Variants in TENM2 observed in about 807,000 individuals in gnomAD.
The protein encoded by TENM2 is teneurin-2.
Under a neutral mutation model 245.2 loss-of-function variants are expected in TENM2, and 52 were observed. The observed-to-expected ratio is 0.21, with a 90% CI of 0.17 to 0.27. The LOEUF (loss-of-function observed/expected upper bound fraction) is 0.27. Among genes scored for constraint, TENM2 ranks in the 10% least tolerant of loss-of-function variants. The probability of loss-of-function intolerance (pLI) is 1.00; values close to 1 mark genes in which losing one functional copy is unlikely to be tolerated. For synonymous variants in TENM2, 1,363 were observed against 1,438.9 expected, an observed-to-expected ratio of 0.95 and a Z score of 1.19; for missense variants, 3,046 against 3,666.8, an observed-to-expected ratio of 0.83 and a Z score of 4.37.
intron 2 of TENM2, among the ~76,000 whole-genome samples, chr5:167,796,403 T>C (rs1463375677): frequency 6.6e-6 from 1 of 152,178 alleles, no homozygotes; most frequent in Non-Finnish European, 1.5e-5. Context: ...GCTCTCTGTT[T>C]CTGCAAATCG....
At chr5:168,053,945 GA>G in intron 6 of TENM2, among the ~76,000 whole-genome samples, 1 of 152,154 alleles carries the variant, frequency 6.6e-6, no homozygotes. Context: ...TGAAAAACAG[GA>G]AAAATTGTAA....
At chr5:167,188,294 T>C in the TENM2 span, among the ~76,000 whole-genome samples, 1 of 152,196 alleles carries the variant, frequency 6.6e-6, no homozygotes, top group Non-Finnish European at 1.5e-5. Flanking sequence ...GCTAGGCCAA[T>C]GCCGTTCTTC....
At chr5:167,734,271 A>C (rs1458235145) in intron 2 of TENM2, among the ~76,000 whole-genome samples, 1 of 151,962 alleles carries the variant, frequency 6.6e-6, no homozygotes, top group Admixed American at 6.6e-5. Context: ...CTCATCTTTG[A>C]GATTTGGTAA....
the TENM2 span, among the ~76,000 whole-genome samples, chr5:167,230,422 A>T: frequency 1.3e-5 from 2 of 152,240 alleles, no homozygotes; most frequent in Admixed American, 6.5e-5. Context: ...GTTGGATTCC[A>T]GTGTTCTCTC....
At position 168,218,813 on chromosome 5, in the gene TENM2, A is replaced by C. The variant is rs1763426524; in HGVS notation, c.4922A>C (p.Asp1641Ala). The C allele has an allele frequency of 1.2e-6, 2 of 1,613,990 alleles. No individual in the cohort carries two copies. Among genetic ancestry groups the C allele is most frequent in the Non-Finnish European group, 1.7e-6 (2 of 1,179,894 alleles). Residue 1641 changes from aspartate to alanine, a missense_variant, in exon 23 of 29, where the codon GAC (aspartate) becomes GCC (alanine). Physicochemically the swap from Asp to Ala is moderately radical, Grantham distance 126. This residue lies in a region of TENM2 where 2,704 missense variants were observed against 3,331.9 expected (regional missense o/e 0.81). Transcript: ENST00000518659. The surrounding 1 kb of genome is among the most constrained non-coding windows in gnomAD (Gnocchi z 5.2). ...GGGAATTCCCTGAAGATCCGTCGGGACAGCAGTGGCATGCCCCGTCACCTG... is the reference window on the plus strand; with the variant it reads ...GGGAATTCCCTGAAGATCCGTCGGGCCAGCAGTGGCATGCCCCGTCACCTG...
chr5:167,414,007 C>G (rs1438475546), intron 2 of TENM2, among the ~76,000 whole-genome samples: 1 of 152,098 alleles, frequency 6.6e-6, no homozygotes, highest in Non-Finnish European at 1.5e-5. Flanking sequence ...CACAGAGATG[C>G]CTTGTATTTA....
At chr5:167,666,865 T>C (rs1755611485) in intron 2 of TENM2, among the ~76,000 whole-genome samples, 1 of 152,296 alleles carries the variant, frequency 6.6e-6, no homozygotes, top group South Asian at 2.1e-4. Context: ...TGGGGGAGAA[T>C]AAATTTCCTA....
chr5:168,010,742 A>G (rs1423928899), intron 5 of TENM2, among the ~76,000 whole-genome samples: 1 of 152,252 alleles, frequency 6.6e-6, no homozygotes, highest in African/African-American at 2.4e-5. Flanking sequence ...AAACACTCCT[A>G]TTCTGCAGCT....
intron 27 of TENM2, among the ~76,000 whole-genome samples, chr5:168,255,399 T>C (rs895375677): frequency 1.3e-5 from 2 of 152,032 alleles, no homozygotes; most frequent in Middle Eastern, 3.2e-3. Flanking sequence ...CCTCCTGGTT[T>C]CAAGCAATTC....
chr5:167,628,984 A>C (rs1778693050), intron 2 of TENM2, among the ~76,000 whole-genome samples: 1 of 152,188 alleles, frequency 6.6e-6, no homozygotes, highest in Admixed American at 6.5e-5. Context: ...GCCTTACATA[A>C]ATTAATGATA....
chr5:167,557,007 GTT>G (rs1310486033), intron 2 of TENM2, among the ~76,000 whole-genome samples: 1 of 152,142 alleles, frequency 6.6e-6, no homozygotes, highest in Non-Finnish European at 1.5e-5. Context: ...AAAATGTTAA[GTT>G]TTTTATTGTT....
At chr5:168,240,787 G>A (rs774930605) in intron 25 of TENM2, 8 of 152,128 alleles carry the variant, frequency 5.3e-5, no homozygotes, top group Non-Finnish European at 1.2e-4. Flanking sequence ...AAATAAGTAG[G>A]CATGATGGCA....
At chr5:167,715,845 G>T (rs1297217370) in intron 2 of TENM2, among the ~76,000 whole-genome samples, 2 of 152,194 alleles carry the variant, frequency 1.3e-5, no homozygotes, top group African/African-American at 2.4e-5. Context: ...CTATTTTTCA[G>T]TTTGAGGATT....
At chr5:167,927,637 C>T (rs1433238939) in intron 3 of TENM2, among the ~76,000 whole-genome samples, 1 of 152,194 alleles carries the variant, frequency 6.6e-6, no homozygotes, top group East Asian at 1.9e-4. Context: ...TCGAAGAAAG[C>T]AAGCAGTATT....
In TENM2 at chr5:168,218,097, C is replaced by T. The variant is rs181898356; in HGVS notation, c.4234-28C>T. ...AACGTTGGACATATTAAAGGCTGTT[C>T]TTTAATCTGATACCACGTCATCCAC... On this transcript the variant is annotated intron_variant, in intron 22 of 28. Coordinates refer to ENST00000518659, the Ensembl canonical transcript of TENM2. This position sits in a 1 kb window ranked among gnomAD's most constrained non-coding sequence, Gnocchi z 5.2. The T allele has an allele frequency of 1.9e-3, 2,970 of 1,599,866 alleles. 7 individuals carry two copies. The highest frequency in any genetic ancestry group is 2.2e-3 in the Non-Finnish European group (2,620 of 1,170,696).
chr5:168,231,279 C>A (rs755309047), intron 25 of TENM2, among the ~76,000 whole-genome samples: 1 of 152,166 alleles, frequency 6.6e-6, no homozygotes, highest in Non-Finnish European at 1.5e-5. Flanking sequence ...TCCCGTTTGA[C>A]AAGAGATCAG....
chr5:167,359,180 A>G (rs1759543525), intron 1 of TENM2, among the ~76,000 whole-genome samples: 1 of 152,126 alleles, frequency 6.6e-6, no homozygotes, highest in Non-Finnish European at 1.5e-5. Flanking sequence ...AAAACAATGC[A>G]ATGGCTATTT....
the TENM2 span, among the ~76,000 whole-genome samples, chr5:167,200,946 C>T: frequency 6.6e-6 from 1 of 152,046 alleles, no homozygotes. Context: ...TATTATATCC[C>T]AAAGGAATCA....
chr5:167,427,534 TGGGAAGGAAGGGAAGGAC>T (rs1561945765), intron 2 of TENM2, among the ~76,000 whole-genome samples: 5 of 39,472 alleles, frequency 1.3e-4, no homozygotes, highest in South Asian at 1.0e-3. Context: ...GAGGGAAGGA[TGGGAAGGAAGGGAAGGAC>T]GGGAAGGAAG....
Sources: allele counts gnomAD v4.1 joint callset (sites outside exome capture counted in the v4.1 genomes callset), GRCh38; gene constraint gnomAD v4.1.1; regional missense constraint gnomAD v4.1.1; non-coding constraint Gnocchi (gnomAD v3.1); transcripts MANE v1.5; gene names NCBI Gene and HGNC (gene_info 2026-07-23, HGNC 2026-07-21).